EYS: variants seen among roughly 807,000 people sequenced by gnomAD.
EYS encodes the protein EGF-like photoreceptor maintenance factor, also known as protein eyes shut homolog.
A neutral mutation model predicts 282.1 loss-of-function variants in EYS; 250 were observed. The observed-to-expected ratio is 0.89, with a 90% confidence interval of 0.80 to 0.98. The LOEUF is 0.98. Among genes scored for constraint, EYS ranks in the 50% least tolerant of loss-of-function variants. The probability of loss-of-function intolerance (pLI) is 0.00; values close to 1 mark genes in which losing one functional copy is unlikely to be tolerated. For synonymous variants in EYS, 1,355 were observed against 1,282.9 expected (o/e 1.06, Z -1.20); for missense variants, 4,016 against 3,709.0 (o/e 1.08, Z -2.15).
At chr6:65,324,903 C>T (rs186320874) in intron 11 of EYS, among the ~76,000 whole-genome samples, 1 of 152,290 alleles carries the variant, frequency 6.6e-6, no homozygotes, top group Admixed American at 6.5e-5. Context: ...GATACTGTAT[C>T]TCTGGGATTA....
At chr6:64,890,191 C>A (rs1294604499) in intron 18 of EYS, among the ~76,000 whole-genome samples, 1 of 152,028 alleles carries the variant, frequency 6.6e-6, no homozygotes, top group African/African-American at 2.4e-5. Context: ...CTCTCAAAAC[C>A]CTGTCTCCTG....
chr6:64,588,905 A>G (rs556641097), intron 26 of EYS, among the ~76,000 whole-genome samples: 3 of 152,176 alleles, frequency 2.0e-5, no homozygotes, highest in East Asian at 3.9e-4. Flanking sequence ...GAATAGTTGC[A>G]ATGGGAATGA....
chr6:65,181,129 T>C (rs1765371054), intron 12 of EYS, among the ~76,000 whole-genome samples: 1 of 152,088 alleles, frequency 6.6e-6, no homozygotes, highest in South Asian at 2.1e-4. Context: ...GGCAGTACCA[T>C]TCAGGACATA....
At chr6:64,519,950 T>C (rs1340042505) in intron 26 of EYS, among the ~76,000 whole-genome samples, 1 of 151,760 alleles carries the variant, frequency 6.6e-6, no homozygotes, top group Non-Finnish European at 1.5e-5. Context: ...TACTACCATA[T>C]GCAAAATGAA....
intron 5 of EYS, among the ~76,000 whole-genome samples, chr6:65,454,030 T>C (rs546253289): frequency 1.3e-3 from 205 of 151,956 alleles, no homozygotes; most frequent in Non-Finnish European, 2.6e-3. Flanking sequence ...GTCATTTTCT[T>C]TGGATACATA....
intron 26 of EYS, among the ~76,000 whole-genome samples, chr6:64,482,104 A>T (rs1776452417): frequency 6.6e-6 from 1 of 151,730 alleles, no homozygotes; most frequent in Non-Finnish European, 1.5e-5. Flanking sequence ...TGACTGCTAG[A>T]AACAATCAGA....
At chr6:65,058,826 G>A (rs1176566855) in intron 12 of EYS, among the ~76,000 whole-genome samples, 2 of 138,680 alleles carry the variant, frequency 1.4e-5, no homozygotes, top group Non-Finnish European at 3.3e-5. Context: ...ACTTATGACA[G>A]CTAATTTTCT....
At chr6:64,324,490 A>G (rs1467816417) in intron 29 of EYS, among the ~76,000 whole-genome samples, 2 of 152,186 alleles carry the variant, frequency 1.3e-5, no homozygotes, top group Non-Finnish European at 2.9e-5. Context: ...ACCTCAGAAT[A>G]TGAGCCATTT....
intron 22 of EYS, among the ~76,000 whole-genome samples, chr6:64,765,784 G>A (rs1026026620): frequency 6.6e-6 from 1 of 152,040 alleles, no homozygotes; most frequent in Admixed American, 6.6e-5. Flanking sequence ...AGAACAGCTT[G>A]GAGGAAATCT....
intron 5 of EYS, among the ~76,000 whole-genome samples, chr6:65,481,932 C>G (rs751103402): frequency 2.6e-5 from 4 of 152,146 alleles, no homozygotes; most frequent in Middle Eastern, 3.4e-3. Flanking sequence ...GCCAATAAAT[C>G]TATGGAGGAT....
intron 12 of EYS, among the ~76,000 whole-genome samples, chr6:65,292,212 A>G (rs896881428): frequency 6.6e-6 from 1 of 151,704 alleles, no homozygotes; most frequent in African/African-American, 2.4e-5. Flanking sequence ...ATATATACAA[A>G]ATAAAAGCAA....
intron 31 of EYS, among the ~76,000 whole-genome samples, chr6:64,147,890 G>T (rs538954235): frequency 6.6e-6 from 1 of 152,150 alleles, no homozygotes; most frequent in African/African-American, 2.4e-5. Context: ...GGTGGACTTT[G>T]CATGTATGAA....
At chr6:63,770,335 G>A (rs1381292028) in intron 40 of EYS, among the ~76,000 whole-genome samples, 2 of 152,032 alleles carry the variant, frequency 1.3e-5, no homozygotes, top group Non-Finnish European at 2.9e-5. Context: ...TTATGTATAT[G>A]TTGAGGCTGA....
chr6:64,196,835 G>A (rs1008525379), intron 31 of EYS, among the ~76,000 whole-genome samples: 2 of 151,870 alleles, frequency 1.3e-5, no homozygotes, highest in East Asian at 1.9e-4. Context: ...CATGGCACAT[G>A]TATACATATG....
At chr6:64,800,756 A>T (rs1430735252) in intron 22 of EYS, among the ~76,000 whole-genome samples, 2 of 152,040 alleles carry the variant, frequency 1.3e-5, no homozygotes, top group African/African-American at 4.8e-5. Context: ...AAAAATAAAA[A>T]TAATCATATT....
At chr6:64,764,203 T>C (rs1418170717) in intron 22 of EYS, among the ~76,000 whole-genome samples, 1 of 152,250 alleles carries the variant, frequency 6.6e-6, no homozygotes, top group Non-Finnish European at 1.5e-5. Flanking sequence ...ACTGCCCTAG[T>C]AGATGTTCTC....
chr6:65,618,933 C>T (rs919199893), intron 2 of EYS, among the ~76,000 whole-genome samples: 1 of 152,064 alleles, frequency 6.6e-6, no homozygotes, highest in South Asian at 2.1e-4. Context: ...GGTACCAGTA[C>T]CATGCTGTTT....
intron 2 of EYS, among the ~76,000 whole-genome samples, chr6:65,593,205 CTG>C (rs1455422313): frequency 2.6e-5 from 4 of 152,026 alleles, no homozygotes; most frequent in African/African-American, 9.7e-5. Flanking sequence ...CTTTCCAAAA[CTG>C]TCTTTTAAAA....
intron 10 of EYS, among the ~76,000 whole-genome samples, chr6:65,341,801 A>G (rs916284242): frequency 2.0e-5 from 3 of 151,314 alleles, no homozygotes; most frequent in Non-Finnish European, 3.0e-5. Context: ...GAATCTAGAT[A>G]AACTTCATTT....
Sources: allele counts gnomAD v4.1 joint callset (sites outside exome capture counted in the v4.1 genomes callset), GRCh38; gene constraint gnomAD v4.1.1; transcripts MANE v1.5; gene names NCBI Gene and HGNC (gene_info 2026-07-23, HGNC 2026-07-21).